Variants in AK6 observed in about 807,000 individuals in gnomAD.
The protein encoded by AK6 is adenylate kinase isoenzyme 6.
In AK6, 24 loss-of-function variants were observed where a neutral mutation model predicts 23.7. The observed-to-expected ratio is 1.01, with a 90% CI of 0.73 to 1.43. AK6 has a LOEUF of 1.43. Among genes scored for constraint, AK6 ranks in the 40% most tolerant of loss-of-function variants. The pLI is 0.00. For missense variants in AK6, 191 were observed against 199.1 expected (o/e 0.96, Z 0.24); for synonymous variants, 73 against 69.8 (o/e 1.05, Z -0.23).
In AK6 at chr5:69,352,285, G is replaced by A. The variant is rs909430075; in HGVS notation, c.327-32C>T. On this transcript the variant is annotated intron_variant, in intron 4 of 4. Coordinates refer to ENST00000380822, the MANE Select transcript of AK6 (RefSeq NM_016283.5). ...GGCAGGGAGGTTAAGCAAACAAGAA[G>A]CAAAATAAATGGCATTAACTGGAGT... The A allele has an allele frequency of 2.1e-5, 33 of 1,558,456 alleles. 1 individual carries two copies. The Admixed American group carries it at 3.7e-4, about 18-fold the overall frequency.
At chr5:69,369,807 C>T (rs1051596867), upstream of AK6, 9 of 1,196,388 alleles carry the variant, frequency 7.5e-6, no homozygotes, top group African/African-American at 1.6e-5. Context: ...CTGGAAGGTC[C>T]CCGGGAGGCC....
In AK6 at chr5:69,355,682, T is replaced by A; in HGVS notation, c.293A>T (p.Asp98Val). ...WFHIVFVLRT[D>V]TNVLYERLET... ...AAGTCTTTCGTACAATACATTGGTA[T>A]CTGTTCTCAGCACAAAAACTATATG... Residue 98 changes from aspartate to valine, a missense_variant, in exon 4 of 5, where the codon GAT (aspartate) becomes GTT (valine). Physicochemically the swap from Asp to Val is radical, Grantham distance 152. Transcript: ENST00000380822. 4 of 1,613,200 alleles carry A rather than the reference T, an allele frequency of 2.5e-6. No individual in the cohort carries two copies. Among genetic ancestry groups the A allele is most frequent in the East Asian group, 2.2e-5 (1 of 44,854 alleles).
intron 2 of AK6, among the ~76,000 whole-genome samples, chr5:69,357,100 G>A (rs1245829949): frequency 6.6e-6 from 1 of 152,182 alleles, no homozygotes; most frequent in Non-Finnish European, 1.5e-5. Flanking sequence ...GGGTTGAAAT[G>A]AGGTTAAAAT....
intron 2 of AK6, among the ~76,000 whole-genome samples, chr5:69,359,390 G>GC (rs1291429164): frequency 8.6e-5 from 13 of 152,018 alleles, no homozygotes; most frequent in Non-Finnish European, 1.8e-4. Context: ...GATTACGGGT[G>GC]CCCGCCACCA....
intron 1 of AK6, 164 bp downstream of exon 1, chr5:69,369,299 A>C (rs1580334817): frequency 6.4e-5 from 16 of 249,768 alleles, no homozygotes; most frequent in Non-Finnish European, 5.8e-5. Context: ...CGCCTCCCGC[A>C]ACGCCCGCGA....
intron 2 of AK6, among the ~76,000 whole-genome samples, chr5:69,356,376 C>T (rs1270297254): frequency 7.1e-6 from 1 of 140,864 alleles, no homozygotes; most frequent in Non-Finnish European, 1.5e-5. Context: ...AGTAACAGGC[C>T]AGGCATGGTG....
At chr5:69,354,412 C>T (rs1762028933) in intron 4 of AK6, among the ~76,000 whole-genome samples, 1 of 152,128 alleles carries the variant, frequency 6.6e-6, no homozygotes, top group South Asian at 2.1e-4. Context: ...ACAAGTATTG[C>T]AAATAATAGT....
intron 2 of AK6, among the ~76,000 whole-genome samples, chr5:69,362,528 C>T (rs2150735832): frequency 6.6e-6 from 1 of 152,272 alleles, no homozygotes. Context: ...TGGCTAACAC[C>T]GGTAATCCCA....
chr5:69,366,267 C>G lies in AK6; in HGVS notation c.121+236G>C, dbSNP rs4252229. On this transcript the variant is annotated intron_variant, in intron 2 of 4. Transcript: ENST00000380822. ...CCGAAATCCAGTCTCTTTATAGGAG[C>G]CTTCCCAACTATTCACAAGAATTGC... 6.1e-3 allele frequency among the ~76,000 whole-genome samples: 935 copies of G among 152,272 alleles called. 8 individuals are homozygous for G. The highest frequency in any genetic ancestry group is 0.021 in the African/African-American group (883 of 41,548).
Position 69,351,983 on chromosome 5 carries a change from T to C in AK6, c.*78A>G. ...TCTGCAACATGATTTTAATAAAGTG[T>C]TACTGACACTTGAACAATTTCTATG... On this transcript the variant is annotated 3_prime_UTR_variant, in exon 5 of 5. Coordinates refer to ENST00000380822, the MANE Select transcript of AK6 (RefSeq NM_016283.5). 7.9e-7 allele frequency: 1 copy of C among 1,264,574 alleles called. No homozygotes were observed. The highest frequency in any genetic ancestry group is 1.1e-6 in the Non-Finnish European group (1 of 915,506). The allele number at this position is 1,264,574 out of a possible 1,614,324, so 78.3% of individuals were successfully genotyped here.
chr5:69,360,179 C>A (rs1332837467), intron 2 of AK6, among the ~76,000 whole-genome samples: 1 of 152,158 alleles, frequency 6.6e-6, no homozygotes, highest in Non-Finnish European at 1.5e-5. Context: ...TCCTTCCCCA[C>A]TTTTAAGAAA....
At chr5:69,352,965 T>C (rs1318394007) in intron 4 of AK6, among the ~76,000 whole-genome samples, 1 of 152,180 alleles carries the variant, frequency 6.6e-6, no homozygotes, top group Non-Finnish European at 1.5e-5. Context: ...ATGGATACAA[T>C]ATTCATAACA....
In AK6 at chr5:69,369,455, G is replaced by A; in HGVS notation, c.28+8C>T. The A allele has an allele frequency of 6.2e-7, 1 of 1,610,350 alleles. No individual in the cohort carries two copies. Among genetic ancestry groups the A allele is most frequent in the Non-Finnish European group, 8.5e-7 (1 of 1,179,052 alleles). ...CCAGCCCAGTCCCTCCCGGCCGCGC[G>A]CCCTGACCGGTGAGCAGGATGTTCG... On this transcript the variant is annotated splice_region_variant and intron_variant, in intron 1 of 4. Coordinates refer to ENST00000380822, the MANE Select transcript of AK6 (RefSeq NM_016283.5).
At chr5:69,367,611 C>T (rs1309747679) in intron 1 of AK6, among the ~76,000 whole-genome samples, 1 of 151,910 alleles carries the variant, frequency 6.6e-6, no homozygotes, top group Non-Finnish European at 1.5e-5. Context: ...GGCTGGAGTG[C>T]AGTGGAACTT....
chr5:69,352,737 A>C (rs540882857), intron 4 of AK6, among the ~76,000 whole-genome samples: 1 of 152,350 alleles, frequency 6.6e-6, no homozygotes, highest in Admixed American at 6.5e-5. Flanking sequence ...TACAACCAAA[A>C]TATGAACAAT....
intron 1 of AK6, among the ~76,000 whole-genome samples, chr5:69,367,473 G>A (rs1762492598): frequency 7.2e-6 from 1 of 138,862 alleles, no homozygotes; most frequent in African/African-American, 2.7e-5. Context: ...TCGCGCCACA[G>A]CACTCCAGCC....
chr5:69,352,916 A>G (rs1404999287), intron 4 of AK6, among the ~76,000 whole-genome samples: 1 of 152,236 alleles, frequency 6.6e-6, no homozygotes. Flanking sequence ...AGAGAAATAA[A>G]CACATGATGT....
intron 1 of AK6, chr5:69,367,906 T>C (rs1253942109): frequency 6.6e-6 from 1 of 152,194 alleles, no homozygotes; most frequent in Non-Finnish European, 1.5e-5. Context: ...GGCTCGCGCG[T>C]GTAATCCCAG....
intron 2 of AK6, chr5:69,364,832 T>G (rs1460779568): frequency 5.4e-6 from 5 of 930,292 alleles, no homozygotes; most frequent in Non-Finnish European, 8.2e-6. Flanking sequence ...CTGTGTTTAC[T>G]CATTATTATT....
Sources: gnomAD v4.1 joint callset for allele counts (sites outside exome capture counted in the v4.1 genomes callset) on GRCh38, gnomAD v4.1.1 for gene constraint, MANE v1.5 for transcripts, NCBI Gene and HGNC (gene_info 2026-07-23, HGNC 2026-07-21) for gene names.